The following ROBO1 variants were observed in gnomAD, a reference collection of about 807,000 sequenced individuals.
ROBO1 encodes the protein roundabout homolog 1.
Under a neutral mutation model 195.9 loss-of-function variants are expected in ROBO1, and 149 were observed. That is an observed-to-expected ratio of 0.76 (90% CI 0.67 to 0.87). The LOEUF (loss-of-function observed/expected upper bound fraction) is 0.87. ROBO1 is among the 40% of genes least tolerant of loss of function. ROBO1 has a pLI of 0.00. For synonymous variants in ROBO1, 816 were observed against 733.2 expected, an observed-to-expected ratio of 1.11 and a Z score of -1.82; for missense variants, 1,933 against 2,068.3, an observed-to-expected ratio of 0.93 and a Z score of 1.27.
intron 2 of ROBO1, among the ~76,000 whole-genome samples, chr3:79,334,216 T>A (rs559347752): frequency 6.6e-6 from 1 of 151,292 alleles, no homozygotes; most frequent in South Asian, 2.1e-4. Flanking sequence ...GGCAAGTTAA[T>A]TGGTTGAACC....
In ROBO1 at chr3:79,451,853, T is replaced by C. The variant is rs188717873; in HGVS notation, c.88+137971A>G. ...AGAGAGGTCTTGCTGTAAACAATGA[T>C]ATTGGCTTACATTTAACAGAGGAGT... On this transcript the variant is annotated intron_variant, in intron 2 of 30. Transcript: ENST00000464233. 2.4e-4 allele frequency among the ~76,000 whole-genome samples: 36 copies of C among 152,082 alleles called. No individual in the cohort carries two copies. In the East Asian group the frequency reaches 4.3e-3, roughly 18 times the overall value.
At chr3:79,577,753 C>CACACACACAT (rs1657924612) in intron 2 of ROBO1, among the ~76,000 whole-genome samples, 1 of 134,810 alleles carries the variant, frequency 7.4e-6, no homozygotes, top group Middle Eastern at 4.0e-3. Context: ...CACACACACA[C>CACACACACAT]ACACACAAAA....
intron 2 of ROBO1, among the ~76,000 whole-genome samples, chr3:79,219,389 T>C (rs1007221200): frequency 2.0e-5 from 3 of 152,030 alleles, no homozygotes; most frequent in Non-Finnish European, 2.9e-5. Flanking sequence ...GCAAGGACTT[T>C]TTAATGGACA....
intron 1 of ROBO1, among the ~76,000 whole-genome samples, chr3:79,763,808 A>G (rs533792859): frequency 2.5e-3 from 376 of 152,336 alleles, no homozygotes; most frequent in Non-Finnish European, 4.4e-3. Flanking sequence ...GCTCTTGGAG[A>G]AATGCAGATA....
intron 1 of ROBO1, among the ~76,000 whole-genome samples, chr3:79,724,775 G>A (rs1201903686): frequency 6.6e-6 from 1 of 152,200 alleles, no homozygotes; most frequent in African/African-American, 2.4e-5. Context: ...GAAAGTGTGA[G>A]ATAAATCAAT....
At chr3:78,727,844 A>G (rs1179143109) in intron 5 of ROBO1, among the ~76,000 whole-genome samples, 1 of 152,134 alleles carries the variant, frequency 6.6e-6, no homozygotes. Flanking sequence ...TCTAGTGACC[A>G]ATACTTCTAA....
intron 2 of ROBO1, among the ~76,000 whole-genome samples, chr3:79,192,278 C>T (rs886551613): frequency 6.6e-6 from 1 of 151,610 alleles, no homozygotes; most frequent in African/African-American, 2.4e-5. Flanking sequence ...ATTTATATAA[C>T]AGATATAAAC....
At chr3:79,527,208 C>A (rs1339804865) in intron 2 of ROBO1, among the ~76,000 whole-genome samples, 1 of 152,006 alleles carries the variant, frequency 6.6e-6, no homozygotes, top group African/African-American at 2.4e-5. Flanking sequence ...TTTATTTGAT[C>A]ATTTGCTTTT....
At chr3:79,245,376 T>C (rs963669806) in intron 2 of ROBO1, among the ~76,000 whole-genome samples, 3 of 152,112 alleles carry the variant, frequency 2.0e-5, no homozygotes, top group African/African-American at 4.8e-5. Context: ...ACTAGGGTTA[T>C]TGAATGTGGG....
At chr3:79,587,824 T>C (rs550085907) in intron 2 of ROBO1, among the ~76,000 whole-genome samples, 2 of 151,850 alleles carry the variant, frequency 1.3e-5, no homozygotes, top group East Asian at 3.9e-4. Context: ...GTTCCTTCAG[T>C]AGATTTTCTC....
At chr3:79,439,823 C>T (rs2038997024) in intron 2 of ROBO1, among the ~76,000 whole-genome samples, 1 of 151,998 alleles carries the variant, frequency 6.6e-6, no homozygotes, top group African/African-American at 2.4e-5. Context: ...TGGAGAGAAA[C>T]CTCAGATAAA....
chr3:78,824,109 T>G (rs2031335081), intron 4 of ROBO1, among the ~76,000 whole-genome samples: 2 of 152,208 alleles, frequency 1.3e-5, no homozygotes, highest in Admixed American at 1.3e-4. Flanking sequence ...CTTATTCCTA[T>G]AGCAGTGCCA....
intron 2 of ROBO1, among the ~76,000 whole-genome samples, chr3:79,303,856 A>G (rs1248969823): frequency 6.6e-6 from 1 of 152,106 alleles, no homozygotes; most frequent in Non-Finnish European, 1.5e-5. Flanking sequence ...ATCATGCAGT[A>G]CTTGTATTTC....
chr3:78,661,862 T>C (rs1384902918), intron 15 of ROBO1, 131 bp downstream of exon 15: 1 of 1,087,150 alleles, frequency 9.2e-7, no homozygotes, highest in Non-Finnish European at 1.3e-6. Context: ...ATAGCTACTG[T>C]AATAAACAGT....
intron 22 of ROBO1, among the ~76,000 whole-genome samples, chr3:78,637,018 T>C (rs1175426638): frequency 1.4e-5 from 2 of 140,310 alleles, no homozygotes; most frequent in African/African-American, 5.5e-5. Context: ...ACTGAAATCA[T>C]ATTTTTAAAT....
chr3:79,728,626 A>G (rs1447524960), intron 1 of ROBO1, among the ~76,000 whole-genome samples: 1 of 152,176 alleles, frequency 6.6e-6, no homozygotes, highest in Non-Finnish European at 1.5e-5. Flanking sequence ...AAACATGACT[A>G]CAATTTTTTT....
chr3:78,809,571 C>G (rs113644847), intron 4 of ROBO1, among the ~76,000 whole-genome samples: 4,562 of 149,004 alleles, frequency 0.031, 188 homozygotes, highest in African/African-American at 0.095. Flanking sequence ...TTCACAATAG[C>G]AAAGACTTGG....
intron 26 of ROBO1, among the ~76,000 whole-genome samples, chr3:78,621,393 T>C (rs1704446981): frequency 6.6e-6 from 1 of 152,206 alleles, no homozygotes; most frequent in Non-Finnish European, 1.5e-5. Flanking sequence ...AGATGCAGAA[T>C]GGCCGACTTC....
chr3:78,710,560 G>A (rs2081659259), intron 8 of ROBO1, among the ~76,000 whole-genome samples: 1 of 152,052 alleles, frequency 6.6e-6, no homozygotes, highest in African/African-American at 2.4e-5. Context: ...AATATGTACT[G>A]TATAACAGAT....
Sources: gnomAD v4.1 joint callset for allele counts (sites outside exome capture counted in the v4.1 genomes callset) on GRCh38, gnomAD v4.1.1 for gene constraint, MANE v1.5 for transcripts, NCBI Gene and HGNC (gene_info 2026-07-23, HGNC 2026-07-21) for gene names.